HNRNPLL: variants seen among roughly 807,000 people sequenced by gnomAD.
The protein encoded by HNRNPLL is heterogeneous nuclear ribonucleoprotein L like.
Under a neutral mutation model 67.1 loss-of-function variants are expected in HNRNPLL, and 25 were observed. The ratio of observed to expected loss-of-function variants is 0.37; its 90% CI spans 0.27 to 0.52. HNRNPLL has a LOEUF of 0.52. HNRNPLL is among the 20% of genes least tolerant of loss of function. The probability of loss-of-function intolerance (pLI) is 0.90; values close to 1 mark genes in which losing one functional copy is unlikely to be tolerated. For synonymous variants in HNRNPLL, 267 were observed against 241.7 expected (o/e 1.10, Z -0.97); for missense variants, 542 against 673.9 (o/e 0.80, Z 2.17).
intron 7 of HNRNPLL, among the ~76,000 whole-genome samples, chr2:38,574,014 C>G (rs1456264677): frequency 6.6e-6 from 1 of 151,930 alleles, no homozygotes; most frequent in Non-Finnish European, 1.5e-5. Context: ...TGTCTTATTA[C>G]TCTACAACTT....
At chr2:38,595,583 G>A (rs142732602) in intron 1 of HNRNPLL, among the ~76,000 whole-genome samples, 2,052 of 152,244 alleles carry the variant, frequency 0.013, 8 homozygotes, top group Middle Eastern at 0.024. Context: ...AGTGGCTCAC[G>A]CCTGTAATGC....
intron 12 of HNRNPLL, among the ~76,000 whole-genome samples, chr2:38,565,480 A>G (rs1222261749): frequency 1.3e-5 from 2 of 152,172 alleles, no homozygotes; most frequent in Non-Finnish European, 2.9e-5. Context: ...CTGAGGCCAG[A>G]GGACTGCTTG....
At chr2:38,580,928 A>G (rs2148357502) in intron 6 of HNRNPLL, 1 of 152,362 alleles carries the variant, frequency 6.6e-6, no homozygotes, top group African/African-American at 2.4e-5. Flanking sequence ...GTGACAACTT[A>G]TAAACAGCCA....
At chr2:38,586,316 T>C in intron 2 of HNRNPLL, among the ~76,000 whole-genome samples, 1 of 152,134 alleles carries the variant, frequency 6.6e-6, no homozygotes, top group Admixed American at 6.5e-5. Flanking sequence ...GTAAGTCAAC[T>C]CTTAAATCAT....
intron 1 of HNRNPLL, chr2:38,599,949 A>C (rs1456873489): frequency 2.1e-6 from 1 of 469,918 alleles, no homozygotes; most frequent in South Asian, 1.6e-5. Context: ...TCTGGGCTGA[A>C]GGACCACTGA....
chr2:38,598,208 G>C (rs1356157991), intron 1 of HNRNPLL, among the ~76,000 whole-genome samples: 1 of 152,142 alleles, frequency 6.6e-6, no homozygotes, highest in African/African-American at 2.4e-5. Context: ...TTAGACGGGG[G>C]AAGAGGGGAA....
In HNRNPLL at chr2:38,602,840, C is replaced by T. The variant is rs1465750646; in HGVS notation, c.-214G>A. ...GCCCCGGGAGGAAGCTCTGGAGCGG[C>T]CGCTCCTCTCAATTACCGAGCCAAC... On this transcript the variant is annotated 5_prime_UTR_variant, in exon 1 of 13. Coordinates refer to ENST00000449105, the MANE Select transcript of HNRNPLL (RefSeq NM_138394.4). The T allele has an allele frequency of 6.5e-7, 1 of 1,548,894 alleles. No individual in the cohort carries two copies. Among genetic ancestry groups the T allele is most frequent in the African/African-American group, 1.4e-5 (1 of 72,762 alleles).
In HNRNPLL at chr2:38,581,937, T is replaced by G; in HGVS notation, c.778A>C (p.Thr260Pro). Reference protein sequence around the residue: ...IRNDNDSWDYTKPYLGRRDRG... With the variant: ...IRNDNDSWDYPKPYLGRRDRG... ...CCTCGTCTTCCCAAATATGGTTTAGTGTAGTCCCAACTGTCATTGTCATTC... is the reference window on the plus strand; with the variant it reads ...CCTCGTCTTCCCAAATATGGTTTAGGGTAGTCCCAACTGTCATTGTCATTC... The change falls in exon 6 of 13, where the codon ACT becomes CCT. Residue 260 changes from threonine to proline, a missense_variant. Physicochemically the swap from Thr to Pro is conservative, Grantham distance 38 (BLOSUM62 -1). Around this residue, in one of 2 missense-constraint regions of HNRNPLL, gnomAD observed 415 missense variants for 575.2 expected, o/e 0.72. Transcript: ENST00000449105. The G allele has an allele frequency of 6.2e-7, 1 of 1,612,074 alleles. No individual in the cohort carries two copies. The highest frequency in any genetic ancestry group is 8.5e-7 in the Non-Finnish European group (1 of 1,178,176).
At chr2:38,564,304 G>C (rs77685703) in intron 12 of HNRNPLL, 67 bp from the exon 13 acceptor site, 13,797 of 833,906 alleles carry the variant, frequency 0.017, 306 homozygotes, top group East Asian at 0.056. Context: ...TGAAGTATCA[G>C]AGTAAATTAC....
intron 10 of HNRNPLL, 71 bp from the exon 11 acceptor site, chr2:38,568,514 C>A: frequency 1.0e-6 from 1 of 968,898 alleles, no homozygotes; most frequent in Non-Finnish European, 1.6e-6. Context: ...AGAAAGTAAA[C>A]TTTATGGCAG....
chr2:38,580,556 A>G (rs980945727), intron 6 of HNRNPLL, among the ~76,000 whole-genome samples: 4 of 152,158 alleles, frequency 2.6e-5, no homozygotes, highest in Non-Finnish European at 5.9e-5. Flanking sequence ...ATTTTTTTCT[A>G]GTTACTGACT....
In HNRNPLL at chr2:38,602,669, CG is replaced by C. The variant is rs1667501454; in HGVS notation, c.-44del. On this transcript the variant is annotated 5_prime_UTR_variant, in exon 1 of 13. Coordinates refer to ENST00000449105, the MANE Select transcript of HNRNPLL (RefSeq NM_138394.4). ...CCGGCTGGCAGGCGGGTGGGGGTGG[CG>C]GTGGGGCGCGCGCCTCGGATGCCGC... The C allele has an allele frequency of 1.4e-6, 2 of 1,434,198 alleles. No homozygotes were observed. The highest frequency in any genetic ancestry group is 1.8e-6 in the Non-Finnish European group (2 of 1,099,066). The allele number at this position is 1,434,198 out of a possible 1,614,324, so 88.8% of individuals were successfully genotyped here.
At position 38,602,874 on chromosome 2, in the gene HNRNPLL, T is replaced by G; in HGVS notation, c.-248A>C. 1 of 1,548,864 alleles carries G rather than the reference T, an allele frequency of 6.5e-7. No homozygotes were observed. On this transcript the variant is annotated 5_prime_UTR_variant, in exon 1 of 13. Transcript: ENST00000449105. ...TCAATTACCGAGCCAACATTCAGCC[T>G]CTCCCTCCTCCTCCTCCGTCTCCGC...
rs939830733 is a variant in HNRNPLL, at chr2:38,562,390, A to G, written c.*1792T>C. ...CTAAACTAATTAAAATCTAAATGAAATAAGTCCTGCCAACACCTACAGGTT... is the reference window on the plus strand; with the variant it reads ...CTAAACTAATTAAAATCTAAATGAAGTAAGTCCTGCCAACACCTACAGGTT... On this transcript the variant is annotated 3_prime_UTR_variant, in exon 13 of 13. Transcript: ENST00000449105. 3 of 152,164 alleles carry G rather than the reference A, an allele frequency of 2.0e-5. No homozygotes were observed. The highest frequency in any genetic ancestry group is 4.4e-5 in the Non-Finnish European group (3 of 68,006). The allele number at this position is 152,164 out of a possible 1,614,324, so 9.4% of individuals were successfully genotyped here.
At chr2:38,582,649 G>C (rs1666578502) in intron 4 of HNRNPLL, among the ~76,000 whole-genome samples, 1 of 152,092 alleles carries the variant, frequency 6.6e-6, no homozygotes, top group Non-Finnish European at 1.5e-5. Flanking sequence ...GCTGGGCACA[G>C]TTGCTCACGC....
Position 38,569,114 on chromosome 2 carries a change from T to C in HNRNPLL, c.1416+19A>G, listed in dbSNP as rs1048741603. 2.0e-6 allele frequency: 3 copies of C among 1,513,784 alleles called. No homozygotes were observed. The highest frequency in any genetic ancestry group is 2.8e-6 in the Non-Finnish European group (3 of 1,088,886). The allele number at this position is 1,513,784 out of a possible 1,614,324, so 93.8% of individuals were successfully genotyped here. A position where few individuals can be genotyped will look rare whatever the true frequency, so the allele number is the denominator to read the frequency against. ...AGGAAATAGCAACATTCTATACACA[T>C]TTGTATTTCAGTGCCTACCTTTGTG... On this transcript the variant is annotated intron_variant, in intron 10 of 12. Transcript: ENST00000449105.
At chr2:38,570,842 G>C (rs1031747257) in intron 8 of HNRNPLL, among the ~76,000 whole-genome samples, 1 of 151,346 alleles carries the variant, frequency 6.6e-6, no homozygotes, top group African/African-American at 2.4e-5. Context: ...AGGAGCTTGA[G>C]ACCAGGCTGG....
rs779274785 is a variant in HNRNPLL at position 38,564,156 on chromosome 2, A to AT, written c.*25dup. The AT allele has an allele frequency of 2.2e-6, 3 of 1,374,130 alleles. No individual in the cohort carries two copies. The highest frequency in any genetic ancestry group is 3.1e-6 in the Non-Finnish European group (3 of 964,948). The allele number at this position is 1,374,130 out of a possible 1,614,324, so 85.1% of individuals were successfully genotyped here. On this transcript the variant is annotated 3_prime_UTR_variant, in exon 13 of 13. Coordinates refer to ENST00000449105, the MANE Select transcript of HNRNPLL (RefSeq NM_138394.4). ...CTTTGAAATTGTAATAAAGGTGAAC[A>AT]TAAATTCTAACATGCTCTTCTCTTC... is the stretch of plus-strand genomic sequence containing the variant.
intron 1 of HNRNPLL, among the ~76,000 whole-genome samples, chr2:38,592,502 G>C (rs1042832076): frequency 8.5e-5 from 13 of 152,116 alleles, no homozygotes; most frequent in Non-Finnish European, 1.8e-4. Context: ...TTTATACAAG[G>C]GTACCATCTT....
Sources: gnomAD v4.1 joint callset for allele counts (sites outside exome capture counted in the v4.1 genomes callset) on GRCh38, gnomAD v4.1.1 for gene constraint, gnomAD v4.1.1 regional missense constraint, MANE v1.5 for transcripts, NCBI Gene and HGNC (gene_info 2026-07-23, HGNC 2026-07-21) for gene names.